Variants in GRHL2 observed in about 807,000 individuals in gnomAD.
GRHL2 encodes grainyhead-like protein 2 homolog.
A neutral mutation model predicts 83.8 loss-of-function variants in GRHL2; 21 were observed. The observed-to-expected ratio is 0.25, with a 90% CI of 0.18 to 0.36. The LOEUF is 0.36. GRHL2 is among the 10% of genes least tolerant of loss of function. The pLI, the probability that GRHL2 is intolerant of heterozygous loss-of-function variation, is 1.00. For missense variants in GRHL2, 623 were observed against 781.8 expected, an observed-to-expected ratio of 0.80 and a Z score of 2.42; for synonymous variants, 280 against 278.9, an observed-to-expected ratio of 1.00 and a Z score of -0.04.
chr8:101,560,218 C>T (rs1309870595), intron 4 of GRHL2, among the ~76,000 whole-genome samples: 2 of 151,818 alleles, frequency 1.3e-5, no homozygotes, highest in African/African-American at 4.8e-5. Flanking sequence ...TTAGTAGAGA[C>T]AGGGTTTCAC....
Position 101,667,113 on chromosome 8 carries a change from A to C in GRHL2, c.*410A>C. ...CCTTCTCTCTCACCCCTCCATATCT[A>C]TCTCCCGAGTGGCTGGACAAAATGA... On this transcript the variant is annotated 3_prime_UTR_variant, in exon 16 of 16. Transcript: ENST00000646743. 3.7e-6 allele frequency: 1 copy of C among 268,798 alleles called. No homozygotes were observed. The allele number at this position is 268,798 out of a possible 1,614,324, so 16.7% of individuals were successfully genotyped here.
At chr8:101,593,209 G>T (rs1812323487) in intron 7 of GRHL2, among the ~76,000 whole-genome samples, 1 of 151,988 alleles carries the variant, frequency 6.6e-6, no homozygotes, top group Non-Finnish European at 1.5e-5. Flanking sequence ...GCCTCCCAAA[G>T]TGTTAGGATT....
chr8:101,610,737 C>T lies in GRHL2; in HGVS notation c.1099-8802C>T, dbSNP rs552619039. On this transcript the variant is annotated intron_variant, in intron 8 of 15. Coordinates refer to ENST00000646743, the MANE Select transcript of GRHL2 (RefSeq NM_024915.4). ...GTGCTAGGGTTTGCACCAGGCACAC[C>T]ATTTTGAGCCTCTTGGCAGATGTTT... Among the ~76,000 whole-genome samples the T allele has an allele frequency of 8.6e-5, 13 of 150,936 alleles. 1 individual carries two copies. Among genetic ancestry groups the T allele is most frequent in the African/African-American group, 3.2e-4 (13 of 40,404 alleles).
Position 101,652,547 on chromosome 8 carries a change from G to T in GRHL2, c.1698+3048G>T, listed in dbSNP as rs866859160. Among the ~76,000 whole-genome samples the T allele has an allele frequency of 5.2e-4, 26 of 50,350 alleles. 3 individuals carry two copies. The highest frequency in any genetic ancestry group is 4.3e-3 in the African/African-American group (24 of 5,570). 33.0% of individuals were successfully genotyped at this position (50,350 alleles called of 152,430 possible). On this transcript the variant is annotated intron_variant, in intron 14 of 15. Transcript: ENST00000646743. ...GTGTGTGTGTGGTGTGTGTGTGTGTGGTGTGTATGTGTGGTGGTGTGTGTG... is the reference window on the plus strand; with the variant it reads ...GTGTGTGTGTGGTGTGTGTGTGTGTTGTGTGTATGTGTGGTGGTGTGTGTG...
intron 1 of GRHL2, among the ~76,000 whole-genome samples, chr8:101,533,405 CT>C (rs1011924384): frequency 6.6e-6 from 1 of 152,172 alleles, no homozygotes; most frequent in Non-Finnish European, 1.5e-5. Context: ...GGCAATGGAG[CT>C]TTTATTCATT....
chr8:101,651,637 C>T (rs1813623384), intron 14 of GRHL2, among the ~76,000 whole-genome samples: 1 of 152,180 alleles, frequency 6.6e-6, no homozygotes, highest in Non-Finnish European at 1.5e-5. Context: ...GCAACCTCTG[C>T]CTACCCTCCC....
chr8:101,524,491 A>G (rs893420266), intron 1 of GRHL2, among the ~76,000 whole-genome samples: 1 of 152,132 alleles, frequency 6.6e-6, no homozygotes, highest in African/African-American at 2.4e-5. Context: ...ATTTGCCTCT[A>G]AGTGCTGATT....
At chr8:101,518,430 A>G (rs759879128) in intron 1 of GRHL2, among the ~76,000 whole-genome samples, 20 of 152,120 alleles carry the variant, frequency 1.3e-4, no homozygotes, top group Non-Finnish European at 2.6e-4. Context: ...GAAAAAATAA[A>G]TAAAATCCCT....
chr8:101,559,351 T>TGAAAAAAAAAAAA lies in GRHL2; in HGVS notation c.678+539_678+540insGAAAAAAAAAAAA, dbSNP rs1285229771. ...GGTGAACTCCTGTCTCTACTAAAAATACAAAAAAAAAAAAAAAAAAAAAAA... is the reference window on the plus strand; with the variant it reads ...GGTGAACTCCTGTCTCTACTAAAAATGAAAAAAAAAAAAACAAAAAAAAAAAAAAAAAAAAAAA... On this transcript the variant is annotated intron_variant, in intron 4 of 15. Transcript: ENST00000646743. 1.6e-4 allele frequency among the ~76,000 whole-genome samples: 3 copies of TGAAAAAAAAAAAA among 19,230 alleles called. No individual in the cohort carries two copies. In the Admixed American group the frequency reaches 2.4e-3, roughly 15 times the overall value. The allele number at this position is 19,230 out of a possible 152,430, so 12.6% of individuals were successfully genotyped here.
At chr8:101,560,841 A>G (rs1811593232) in intron 4 of GRHL2, among the ~76,000 whole-genome samples, 1 of 152,164 alleles carries the variant, frequency 6.6e-6, no homozygotes, top group African/African-American at 2.4e-5. Context: ...CAATTTTTAA[A>G]TTGGGTTTTC....
chr8:101,531,939 T>G (rs1317734647), intron 1 of GRHL2, among the ~76,000 whole-genome samples: 1 of 152,238 alleles, frequency 6.6e-6, no homozygotes, highest in Non-Finnish European at 1.5e-5. Context: ...AGTTTATTGT[T>G]TTTAAAAACT....
intron 2 of GRHL2, among the ~76,000 whole-genome samples, chr8:101,545,348 T>C (rs944185154): frequency 1.0e-4 from 15 of 147,320 alleles, no homozygotes; most frequent in African/African-American, 3.7e-4. Flanking sequence ...ACCTTAACTT[T>C]GGGGGACTTG....
At chr8:101,555,102 A>G (rs1362067334) in intron 3 of GRHL2, among the ~76,000 whole-genome samples, 3 of 152,246 alleles carry the variant, frequency 2.0e-5, no homozygotes, top group Non-Finnish European at 4.4e-5. Context: ...TATGTTTTGC[A>G]TGAATTAAAG....
chr8:101,522,734 T>TATAC (rs1810712625), intron 1 of GRHL2, among the ~76,000 whole-genome samples: 1 of 148,972 alleles, frequency 6.7e-6, no homozygotes, highest in Non-Finnish European at 1.5e-5. Context: ...TACATATACA[T>TATAC]ATACATATAT....
intron 14 of GRHL2, among the ~76,000 whole-genome samples, chr8:101,654,850 T>C (rs1296024739): frequency 6.6e-6 from 1 of 152,210 alleles, no homozygotes; most frequent in African/African-American, 2.4e-5. Context: ...AGACATTATA[T>C]TCTTCCTTGA....
chr8:101,608,915 G>C (rs1039371735), intron 8 of GRHL2, among the ~76,000 whole-genome samples: 1 of 150,194 alleles, frequency 6.7e-6, no homozygotes, highest in African/African-American at 2.5e-5. Flanking sequence ...GTTGGAAGAA[G>C]AGTGTATGGT....
chr8:101,560,420 A>G (rs774138305), intron 4 of GRHL2, among the ~76,000 whole-genome samples: 3 of 152,172 alleles, frequency 2.0e-5, no homozygotes, highest in Non-Finnish European at 4.4e-5. Flanking sequence ...GTTGATGGAC[A>G]TTTGGTTGCT....
downstream of GRHL2, among the ~76,000 whole-genome samples, chr8:101,673,762 C>T (rs1325958588): frequency 4.0e-5 from 6 of 150,678 alleles, no homozygotes; most frequent in East Asian, 9.7e-4. Context: ...ACATTTTTTT[C>T]AGCACCACAC....
chr8:101,678,065 C>A, the GRHL2 span, among the ~76,000 whole-genome samples: 182 of 152,268 alleles, frequency 1.2e-3, no homozygotes, highest in Middle Eastern at 3.4e-3. Context: ...CCGGCGAAGA[C>A]AAGCGAGGGA....
Sources: gnomAD v4.1 joint callset for allele counts (sites outside exome capture counted in the v4.1 genomes callset) on GRCh38, gnomAD v4.1.1 for gene constraint, MANE v1.5 for transcripts, NCBI Gene and HGNC (gene_info 2026-07-23, HGNC 2026-07-21) for gene names.